Variants in SLC15A2 observed in about 807,000 individuals in gnomAD.
The protein encoded by SLC15A2 is kidney H(+)/peptide cotransporter.
In SLC15A2, 77 loss-of-function variants were observed where a neutral mutation model predicts 95.5. That is an observed-to-expected ratio of 0.81 (90% CI 0.67 to 0.97). The LOEUF (loss-of-function observed/expected upper bound fraction) is 0.97. SLC15A2 is among the 50% of genes least tolerant of loss of function. The pLI is 0.00. For synonymous variants in SLC15A2, 306 were observed against 306.9 expected (o/e 1.00, Z 0.03); for missense variants, 893 against 874.4 (o/e 1.02, Z -0.27).
intron 20 of SLC15A2, 55 bp downstream of exon 20, chr3:121,939,550 A>ATT: frequency 7.0e-7 from 1 of 1,419,020 alleles, no homozygotes; most frequent in Non-Finnish European, 9.4e-7. Context: ...AGGACAATGA[A>ATT]TTTTAATTCT....
chr3:121,894,585 A>C lies in SLC15A2; in HGVS notation c.105+4A>C, dbSNP rs1559836456. ...CCCTCCAAAGAAGCCATCTCCGGTG[A>C]GTCCTTAGATTCAATCCTGCCTCTG... On this transcript the variant is annotated splice_donor_region_variant and intron_variant, in intron 1 of 21. Transcript: ENST00000489711. The C allele has an allele frequency of 1.2e-6, 2 of 1,609,866 alleles. No homozygotes were observed. Among genetic ancestry groups the C allele is most frequent in the East Asian group, 4.5e-5 (2 of 44,840 alleles).
At chr3:121,933,219 CAT>C in intron 19 of SLC15A2, among the ~76,000 whole-genome samples, 1 of 149,066 alleles carries the variant, frequency 6.7e-6, no homozygotes, top group Admixed American at 6.7e-5. Context: ...CCGCAATAAA[CAT>C]ATGTGTGCAT....
Position 121,911,627 on chromosome 3 carries a change from T to A in SLC15A2, c.389T>A (p.Leu130Ter). Reference sequence around the variant, plus strand: ...GTGCTTGGCCATGTGATCAAGTCCTTGGGTGCCTTACCAATACTGGGAGGA... The same window carrying A: ...GTGCTTGGCCATGTGATCAAGTCCTAGGGTGCCTTACCAATACTGGGAGGA... ...VYVLGHVIKS[L>*]GALPILGGQV... The change falls in exon 4 of 22, where the codon TTG (leucine) becomes TAG (stop). Residue 130 changes from leucine to a stop codon, truncating the protein, a stop_gained. Coordinates refer to ENST00000489711, the MANE Select transcript of SLC15A2 (RefSeq NM_021082.4). LOFTEE classifies it high-confidence loss of function. The A allele has an allele frequency of 6.2e-7, 1 of 1,614,010 alleles. No homozygotes were observed. The highest frequency in any genetic ancestry group is 8.5e-7 in the Non-Finnish European group (1 of 1,179,870).
Position 121,924,844 on chromosome 3 carries a change from G to C in SLC15A2, c.1036-101G>C, listed in dbSNP as rs1189532841. 6.0e-5 allele frequency: 50 copies of C among 831,962 alleles called. No individual in the cohort carries two copies. The East Asian group carries it at 1.2e-3, about 20-fold the overall frequency. The allele number at this position is 831,962 out of a possible 1,614,324, so 51.5% of individuals were successfully genotyped here. The stretch of plus-strand genomic sequence containing the variant: ...TCTGTACTTACAATGACAAAAGTGT[G>C]TGTAGATGTGAGACAGAGTGTAAAC... On this transcript the variant is annotated intron_variant, in intron 12 of 21. Transcript: ENST00000489711.
intron 2 of SLC15A2, 45 bp downstream of exon 2, chr3:121,896,538 C>G: frequency 7.0e-7 from 1 of 1,425,274 alleles, no homozygotes; most frequent in Non-Finnish European, 9.9e-7. Context: ...TCCACCCACC[C>G]TCACCCCATG....
At chr3:121,939,601 G>A in intron 20 of SLC15A2, 106 bp downstream of exon 20, 1 of 985,010 alleles carries the variant, frequency 1.0e-6, no homozygotes, top group Non-Finnish European at 1.4e-6. Context: ...TTTGGCCTTG[G>A]GTACCTTATT....
At chr3:121,940,609 G>A (rs1217597970) in intron 21 of SLC15A2, 121 bp downstream of exon 21, 2 of 904,148 alleles carry the variant, frequency 2.2e-6, no homozygotes, top group African/African-American at 1.6e-5. Flanking sequence ...ACATGAAATG[G>A]GTTAGATATA....
In SLC15A2 at chr3:121,944,041, A is replaced by G. The variant is rs930258056; in HGVS notation, c.*3034A>G. Reference sequence around the variant, plus strand: ...TGAATGACATAATTCATTTGAAAAAATGTGGACACACAAATTGGAAAAGAG... The same window carrying G: ...TGAATGACATAATTCATTTGAAAAAGTGTGGACACACAAATTGGAAAAGAG... On this transcript the variant is annotated 3_prime_UTR_variant, in exon 22 of 22. Coordinates refer to ENST00000489711, the MANE Select transcript of SLC15A2 (RefSeq NM_021082.4). The G allele has an allele frequency of 1.3e-5, 2 of 152,250 alleles. No individual in the cohort carries two copies. Among genetic ancestry groups the G allele is most frequent in the African/African-American group, 4.8e-5 (2 of 41,470 alleles). The allele number at this position is 152,250 out of a possible 1,614,324, so 9.4% of individuals were successfully genotyped here. A position where few individuals can be genotyped will look rare whatever the true frequency, so the allele number is the denominator to read the frequency against.
At chr3:121,935,611 T>G (rs908390527) in intron 19 of SLC15A2, among the ~76,000 whole-genome samples, 8 of 152,130 alleles carry the variant, frequency 5.3e-5, no homozygotes, top group African/African-American at 1.4e-4. Context: ...GGTGGTGATA[T>G]CTCCTTTATC....
intron 3 of SLC15A2, among the ~76,000 whole-genome samples, chr3:121,899,244 T>G (rs1709477496): frequency 6.6e-6 from 1 of 152,160 alleles, no homozygotes; most frequent in Non-Finnish European, 1.5e-5. Context: ...CTTGATGTAT[T>G]TATTATTGTT....
intron 4 of SLC15A2, among the ~76,000 whole-genome samples, chr3:121,912,172 A>G (rs953891785): frequency 1.3e-5 from 2 of 152,184 alleles, no homozygotes; most frequent in Non-Finnish European, 1.5e-5. Flanking sequence ...ATATGTATTC[A>G]TATTATAATG....
At chr3:121,894,796 G>C (rs369593873) in intron 1 of SLC15A2, among the ~76,000 whole-genome samples, 13 of 152,346 alleles carry the variant, frequency 8.5e-5, no homozygotes, top group Middle Eastern at 3.4e-3. Flanking sequence ...CTTCAGTTGG[G>C]ATCCAGGGAC....
chr3:121,940,049 G>A (rs994213215), intron 20 of SLC15A2, among the ~76,000 whole-genome samples: 3 of 152,016 alleles, frequency 2.0e-5, no homozygotes, highest in African/African-American at 7.2e-5. Flanking sequence ...TGGATGATCT[G>A]CCCACCTTGG....
chr3:121,929,405 C>G, intron 17 of SLC15A2, 57 bp downstream of exon 17: 2 of 1,554,242 alleles, frequency 1.3e-6, no homozygotes, highest in South Asian at 2.2e-5. Context: ...TGGATCTCTT[C>G]TAATCTTTGG....
chr3:121,919,015 G>A (rs551628411), intron 7 of SLC15A2, among the ~76,000 whole-genome samples: 2 of 152,170 alleles, frequency 1.3e-5, no homozygotes, highest in Admixed American at 1.3e-4. Context: ...TTCTGTGTTG[G>A]GTGCGGCATC....
rs754316644 is a variant in SLC15A2, at chr3:121,894,450, G to GGA, written c.-15_-14dup. ...CTGCCTACTAAAGCCAAATGCTTGA[G>GGA]GAGAGAGAGAGAGTAAGGAGCCAGC... is the stretch of plus-strand genomic sequence containing the variant. On this transcript the variant is annotated 5_prime_UTR_variant, in exon 1 of 22. An upstream open reading frame in the 5' UTR gains an earlier in-frame stop. Transcript: ENST00000489711. 2.8e-5 allele frequency: 44 copies of GGA among 1,583,482 alleles called. No homozygotes were observed. Among genetic ancestry groups the GGA allele is most frequent in the Non-Finnish European group, 3.4e-5 (39 of 1,156,190 alleles).
At chr3:121,915,761 C>A in intron 7 of SLC15A2, 68 bp downstream of exon 7, 1 of 1,073,122 alleles carries the variant, frequency 9.3e-7, no homozygotes, top group Non-Finnish European at 1.5e-6. Flanking sequence ...ATCATGTAGG[C>A]ACTTTACACA....
rs960005425 is a variant in SLC15A2 at position 121,915,808 on chromosome 3, G to A, written c.697+115G>A. 107 of 712,654 alleles carry A rather than the reference G, an allele frequency of 1.5e-4. 1 individual carries two copies. In the Middle Eastern group the frequency reaches 3.4e-3, roughly 23 times the overall value. The allele number at this position is 712,654 out of a possible 1,614,324, so 44.1% of individuals were successfully genotyped here. Reference sequence around the variant, plus strand: ...TCAATCCTCACACCAGGCCTATTGGGTAACTGTTATTGTAAGGGTTTCCCC... The same window carrying A: ...TCAATCCTCACACCAGGCCTATTGGATAACTGTTATTGTAAGGGTTTCCCC... On this transcript the variant is annotated intron_variant, in intron 7 of 21. Transcript: ENST00000489711.
chr3:121,903,205 T>G (rs1447580205), intron 3 of SLC15A2, among the ~76,000 whole-genome samples: 2 of 152,140 alleles, frequency 1.3e-5, no homozygotes, highest in African/African-American at 2.4e-5. Context: ...GGTGTTGTTT[T>G]TTTCTTGTAA....
Sources: allele counts gnomAD v4.1 joint callset (sites outside exome capture counted in the v4.1 genomes callset), GRCh38; gene constraint gnomAD v4.1.1; transcripts MANE v1.5; gene names NCBI Gene and HGNC (gene_info 2026-07-23, HGNC 2026-07-21).